USP15: variants seen among roughly 807,000 people sequenced by gnomAD.
The protein encoded by USP15 is ubiquitin specific peptidase 15, also known as ubiquitin carboxyl-terminal hydrolase 15.
Under a neutral mutation model 127.1 loss-of-function variants are expected in USP15, and 18 were observed. The ratio of observed to expected loss-of-function variants is 0.14; its 90% CI spans 0.10 to 0.21. USP15 has a LOEUF of 0.21. USP15 is among the 10% of genes least tolerant of loss of function. USP15 has a pLI of 1.00. For synonymous variants in USP15, 364 were observed against 393.7 expected (o/e 0.92, Z 0.89); for missense variants, 805 against 1,159.9 (o/e 0.69, Z 4.44).
At position 62,302,774 on chromosome 12, in the gene USP15, A is replaced by T; in HGVS notation, c.218-16A>T. 6.3e-7 allele frequency: 1 copy of T among 1,598,720 alleles called. No individual in the cohort carries two copies. The highest frequency in any genetic ancestry group is 8.5e-7 in the Non-Finnish European group (1 of 1,170,866). ...GTATTTAGAGTTAGGTATTGAGTTT[A>T]TTTTTTCTTTTGCAGATGGTGATGC... On this transcript the variant is annotated splice_polypyrimidine_tract_variant and intron_variant, in intron 2 of 21. Coordinates refer to ENST00000280377, the MANE Select transcript of USP15 (RefSeq NM_001252078.2).
chr12:62,319,043 A>G (rs2064911988), intron 4 of USP15, among the ~76,000 whole-genome samples: 1 of 152,180 alleles, frequency 6.6e-6, no homozygotes, highest in Non-Finnish European at 1.5e-5. Flanking sequence ...GAGACTAGGT[A>G]ATTTATGAAG....
chr12:62,351,608 A>G (rs2065969448), intron 7 of USP15, among the ~76,000 whole-genome samples: 1 of 152,068 alleles, frequency 6.6e-6, no homozygotes, highest in African/African-American at 2.4e-5. Flanking sequence ...ACGTGACAGT[A>G]TAATCTAATC....
chr12:62,360,004 T>C (rs906657677), intron 8 of USP15, among the ~76,000 whole-genome samples: 2 of 152,168 alleles, frequency 1.3e-5, no homozygotes, highest in Non-Finnish European at 2.9e-5. Context: ...GGTGATAATT[T>C]TAATTAGCAT....
At chr12:62,402,485 C>G (rs2067723875) in intron 21 of USP15, among the ~76,000 whole-genome samples, 1 of 151,932 alleles carries the variant, frequency 6.6e-6, no homozygotes, top group Non-Finnish European at 1.5e-5. Flanking sequence ...CAGGGAAGTT[C>G]ATGTGGTAAA....
intron 21 of USP15, among the ~76,000 whole-genome samples, chr12:62,403,747 G>A (rs1018294869): frequency 1.3e-5 from 2 of 152,034 alleles, no homozygotes; most frequent in Non-Finnish European, 2.9e-5. Flanking sequence ...ACTCATTGAA[G>A]ATACACAGTG....
chr12:62,314,037 C>A, intron 3 of USP15: 1 of 899,388 alleles, frequency 1.1e-6, no homozygotes, highest in Non-Finnish European at 1.3e-6. Flanking sequence ...TTTAGAAGAT[C>A]GAAAGGAATT....
chr12:62,374,307 C>A (rs11174449), intron 8 of USP15: 387,036 of 891,874 alleles, frequency 0.43, 85,747 homozygotes, highest in African/African-American at 0.59. Context: ...GTGGTATTAC[C>A]TTTTGATTAG....
At chr12:62,316,410 A>G (rs1565847563) in intron 4 of USP15, among the ~76,000 whole-genome samples, 1 of 152,048 alleles carries the variant, frequency 6.6e-6, no homozygotes, top group Non-Finnish European at 1.5e-5. Context: ...GAATTTCCAC[A>G]TTTGTAGAAT....
Position 62,355,395 on chromosome 12 carries a change from C to A in USP15, c.835C>A (p.Pro279Thr), listed in dbSNP as rs771792480. The change falls in exon 8 of 22, where the codon CCT becomes ACT. Residue 279 changes from proline to threonine, a missense_variant. Transcript: ENST00000280377. ...TAYKNYDYSEPGRNNEQPGLC... is the reference protein window; with the variant it reads ...TAYKNYDYSETGRNNEQPGLC... The stretch of plus-strand genomic sequence containing the variant: ...TTATAAGAACTATGATTATTCGGAA[C>A]CTGGAAGAAACAATGAACAGCCAGG... 3 of 1,611,326 alleles carry A rather than the reference C, an allele frequency of 1.9e-6. No homozygotes were observed. The African/African-American group carries it at 4.0e-5, about 22-fold the overall frequency.
Position 62,404,453 on chromosome 12 carries a change from T to C in USP15, c.*78T>C. 1 of 1,430,586 alleles carries C rather than the reference T, an allele frequency of 7.0e-7. No homozygotes were observed. The highest frequency in any genetic ancestry group is 1.4e-5 in the African/African-American group (1 of 69,028). 88.6% of individuals were successfully genotyped at this position (1,430,586 alleles called of 1,614,324 possible). A position where few individuals can be genotyped will look rare whatever the true frequency, so the allele number is the denominator to read the frequency against. ...GAAATGATGAAGTTACCCACCACAT[T>C]AAAACAAAAGTCTGAGATGGGGAGT... is the stretch of plus-strand genomic sequence containing the variant. On this transcript the variant is annotated 3_prime_UTR_variant, in exon 22 of 22. Transcript: ENST00000280377.
At chr12:62,388,077 G>A (rs1436888112) in intron 11 of USP15, among the ~76,000 whole-genome samples, 1 of 151,360 alleles carries the variant, frequency 6.6e-6, no homozygotes, top group Non-Finnish European at 1.5e-5. Flanking sequence ...CTGATATTAA[G>A]GGAGCAGTAG....
intron 20 of USP15, among the ~76,000 whole-genome samples, chr12:62,399,807 G>T (rs2137660872): frequency 6.6e-6 from 1 of 152,248 alleles, no homozygotes; most frequent in Non-Finnish European, 1.5e-5. Context: ...ATTTTATTGT[G>T]ATTGGTTGGT....
intron 6 of USP15, among the ~76,000 whole-genome samples, chr12:62,334,637 G>A (rs1426604426): frequency 6.6e-6 from 1 of 152,128 alleles, no homozygotes; most frequent in Non-Finnish European, 1.5e-5. Context: ...GATTAGAAAT[G>A]GAGAGTGTAA....
Position 62,384,322 on chromosome 12 carries a change from GTTTTGTTT to G in USP15, c.1473+25_1473+32del. On this transcript the variant is annotated intron_variant, in intron 11 of 21. Transcript: ENST00000280377. The stretch of plus-strand genomic sequence containing the variant: ...ATGCAGGTAAATCATGGGTTGGTTT[GTTTTGTTT>G]TTTTTTTTTTTTTTTTGCATTTGTT... 2 of 918,946 alleles carry G rather than the reference GTTTTGTTT, an allele frequency of 2.2e-6. No homozygotes were observed. The highest frequency in any genetic ancestry group is 5.9e-5 in the Admixed American group (1 of 17,058). 56.9% of individuals were successfully genotyped at this position (918,946 alleles called of 1,614,324 possible).
intron 2 of USP15, among the ~76,000 whole-genome samples, chr12:62,296,624 C>T (rs1334279141): frequency 6.6e-6 from 1 of 152,162 alleles, no homozygotes; most frequent in Admixed American, 6.5e-5. Context: ...GCCCCCAACA[C>T]CCAACAGAAA....
chr12:62,330,134 T>A (rs912650407), intron 6 of USP15, among the ~76,000 whole-genome samples: 2 of 151,336 alleles, frequency 1.3e-5, no homozygotes, highest in Admixed American at 6.6e-5. Context: ...TTTAAGAAAA[T>A]AGAAAAAGCA....
intron 8 of USP15, among the ~76,000 whole-genome samples, chr12:62,367,038 T>G (rs1322168307): frequency 1.3e-5 from 2 of 152,136 alleles, no homozygotes; most frequent in African/African-American, 4.8e-5. Context: ...CTGCCAGGTT[T>G]TGGTATCAGG....
intron 8 of USP15, among the ~76,000 whole-genome samples, chr12:62,362,995 A>T (rs960897965): frequency 6.6e-6 from 1 of 152,166 alleles, no homozygotes; most frequent in Non-Finnish European, 1.5e-5. Flanking sequence ...GAGGAATCAG[A>T]AGTGTAGTTT....
intron 6 of USP15, among the ~76,000 whole-genome samples, chr12:62,334,767 T>C (rs1162756073): frequency 1.3e-5 from 2 of 152,234 alleles, no homozygotes; most frequent in African/African-American, 4.8e-5. Flanking sequence ...ACTGTTTTGC[T>C]GTCTCAACGT....
Sources: gnomAD v4.1 joint callset for allele counts (sites outside exome capture counted in the v4.1 genomes callset) on GRCh38, gnomAD v4.1.1 for gene constraint, MANE v1.5 for transcripts, NCBI Gene and HGNC (gene_info 2026-07-23, HGNC 2026-07-21) for gene names.